Variants in SLC14A2 observed in about 807,000 individuals in gnomAD.
SLC14A2 encodes the protein solute carrier family 14 member 2.
In SLC14A2, 91 loss-of-function variants were observed where a neutral mutation model predicts 104.6. The observed-to-expected ratio is 0.87, with a 90% confidence interval of 0.73 to 1.04. SLC14A2 has a LOEUF of 1.04. Ranked by LOEUF, SLC14A2 falls within the 50% of genes least tolerant of loss-of-function variation. The pLI is 0.00. For synonymous variants in SLC14A2, 476 were observed against 466.4 expected, an observed-to-expected ratio of 1.02 and a Z score of -0.27; for missense variants, 1,189 against 1,156.0, an observed-to-expected ratio of 1.03 and a Z score of -0.41.
At chr18:45,365,543 G>T (rs756225775) in intron 1 of SLC14A2, among the ~76,000 whole-genome samples, 1 of 152,210 alleles carries the variant, frequency 6.6e-6, no homozygotes, top group Non-Finnish European at 1.5e-5. Flanking sequence ...AACCCATTCA[G>T]ACTCTGTGAC....
chr18:45,515,611 A>T (rs1320211445), intron 2 of SLC14A2: 1 of 152,268 alleles, frequency 6.6e-6, no homozygotes, highest in Admixed American at 6.5e-5. Flanking sequence ...GGTGAGCAGG[A>T]TCTAGAAAAG....
intron 1 of SLC14A2, among the ~76,000 whole-genome samples, chr18:45,365,664 T>C (rs1474929268): frequency 1.3e-5 from 2 of 152,286 alleles, no homozygotes; most frequent in East Asian, 3.9e-4. Flanking sequence ...CCCTGCTCGG[T>C]GCTCTTCCCC....
intron 1 of SLC14A2, among the ~76,000 whole-genome samples, chr18:45,456,132 T>C (rs2086939463): frequency 6.6e-6 from 1 of 152,106 alleles, no homozygotes; most frequent in Admixed American, 6.5e-5. Flanking sequence ...GGGGTGCTGG[T>C]AGTACCTCCC....
At chr18:45,456,561 G>A (rs1192556859) in intron 1 of SLC14A2, among the ~76,000 whole-genome samples, 1 of 152,162 alleles carries the variant, frequency 6.6e-6, no homozygotes, top group Non-Finnish European at 1.5e-5. Flanking sequence ...AAGTGCTCAG[G>A]GATTGGGGCC....
chr18:45,311,479 G>A (rs2085078403), intron 1 of SLC14A2, among the ~76,000 whole-genome samples: 1 of 152,162 alleles, frequency 6.6e-6, no homozygotes, highest in Non-Finnish European at 1.5e-5. Context: ...TTGGACCAAG[G>A]CAGGGTAACT....
chr18:45,264,139 G>A (rs377271195), intron 1 of SLC14A2, among the ~76,000 whole-genome samples: 13 of 152,138 alleles, frequency 8.5e-5, no homozygotes, highest in African/African-American at 2.9e-4. Flanking sequence ...TCTATCTTCT[G>A]TCTAACTATC....
intron 1 of SLC14A2, among the ~76,000 whole-genome samples, chr18:45,225,894 G>A (rs1356513370): frequency 1.3e-5 from 2 of 152,104 alleles, no homozygotes. Context: ...TTTGGGCTGA[G>A]ACAATGGGGT....
At chr18:45,194,950 C>G in the SLC14A2 span, among the ~76,000 whole-genome samples, 8 of 152,002 alleles carry the variant, frequency 5.3e-5, no homozygotes, top group Non-Finnish European at 1.2e-4. Flanking sequence ...GTAGACTTTC[C>G]CAAATCTTTT....
At chr18:45,598,976 T>C (rs2044751635) in intron 2 of SLC14A2, among the ~76,000 whole-genome samples, 1 of 152,174 alleles carries the variant, frequency 6.6e-6, no homozygotes, top group Non-Finnish European at 1.5e-5. Flanking sequence ...TCTTCTCTCA[T>C]CAAATCATGT....
chr18:45,280,716 G>T (rs992030098), intron 1 of SLC14A2, among the ~76,000 whole-genome samples: 1 of 152,130 alleles, frequency 6.6e-6, no homozygotes, highest in Non-Finnish European at 1.5e-5. Context: ...TAAGCTCAAG[G>T]TGCCACAAGC....
At chr18:45,199,273 G>A in the SLC14A2 span, among the ~76,000 whole-genome samples, 4 of 152,032 alleles carry the variant, frequency 2.6e-5, no homozygotes, top group Non-Finnish European at 5.9e-5. Context: ...AGGCTCCTGT[G>A]TCTTTAATTT....
chr18:45,599,613 C>T (rs1422922340), intron 2 of SLC14A2, among the ~76,000 whole-genome samples: 1 of 152,216 alleles, frequency 6.6e-6, no homozygotes, highest in Non-Finnish European at 1.5e-5. Flanking sequence ...GACCCAGCCA[C>T]TCTGCACCTC....
intron 1 of SLC14A2, among the ~76,000 whole-genome samples, chr18:45,275,988 C>T (rs1218809668): frequency 6.6e-6 from 1 of 152,208 alleles, no homozygotes; most frequent in Non-Finnish European, 1.5e-5. Flanking sequence ...GCGAAGATGG[C>T]ATTTGAGCAG....
intron 4 of SLC14A2, among the ~76,000 whole-genome samples, chr18:45,628,112 A>G (rs2045290009): frequency 6.6e-6 from 1 of 152,176 alleles, no homozygotes; most frequent in Admixed American, 6.5e-5. Context: ...GTGGCTCCCA[A>G]ACTTTCCTGA....
At chr18:45,491,213 A>G (rs1224541309) in intron 2 of SLC14A2, among the ~76,000 whole-genome samples, 2 of 152,240 alleles carry the variant, frequency 1.3e-5, no homozygotes, top group Admixed American at 1.3e-4. Context: ...TTAAATGTTC[A>G]TCAATAGAGC....
intron 1 of SLC14A2, among the ~76,000 whole-genome samples, chr18:45,422,863 A>T (rs181770783): frequency 1.9e-4 from 29 of 152,196 alleles, no homozygotes; most frequent in African/African-American, 6.5e-4. Context: ...ACAGGCAATT[A>T]CACCTCATCA....
At chr18:45,199,818 A>G in the SLC14A2 span, among the ~76,000 whole-genome samples, 2 of 152,302 alleles carry the variant, frequency 1.3e-5, no homozygotes, top group South Asian at 4.1e-4. Context: ...TCATACCTTC[A>G]ATAGCCTGGG....
intron 1 of SLC14A2, among the ~76,000 whole-genome samples, chr18:45,222,865 G>A (rs141446879): frequency 2.4e-4 from 37 of 152,252 alleles, no homozygotes; most frequent in African/African-American, 8.2e-4. Context: ...GTGTAAGATG[G>A]TCTCTCCCTT....
chr18:45,641,750 G>A (rs532415586), intron 8 of SLC14A2, among the ~76,000 whole-genome samples: 4 of 152,340 alleles, frequency 2.6e-5, no homozygotes, highest in East Asian at 1.9e-4. Context: ...CAGGAGAGAA[G>A]TAATTGCACA....
Sources: allele counts gnomAD v4.1 joint callset (sites outside exome capture counted in the v4.1 genomes callset), GRCh38; gene constraint gnomAD v4.1.1; transcripts MANE v1.5; gene names NCBI Gene and HGNC (gene_info 2026-07-23, HGNC 2026-07-21).